Variants in TSHZ3 observed in about 807,000 individuals in gnomAD.
The protein encoded by TSHZ3 is teashirt homolog 3.
In TSHZ3, 10 loss-of-function variants were observed where a neutral mutation model predicts 64.5. The ratio of observed to expected loss-of-function variants is 0.16; its 90% CI spans 0.10 to 0.26. TSHZ3 has a LOEUF of 0.26. Ranked by LOEUF, TSHZ3 falls within the 10% of genes least tolerant of loss-of-function variation. The probability of loss-of-function intolerance (pLI) is 1.00; values close to 1 mark genes in which losing one functional copy is unlikely to be tolerated. For missense variants in TSHZ3, 1,242 were observed against 1,421.7 expected (o/e 0.87, Z 2.03); for synonymous variants, 608 against 593.1 (o/e 1.03, Z -0.36).
At chr19:31,178,197 C>T (rs1568338349) in intron 5 of TSHZ3, among the ~76,000 whole-genome samples, 1 of 152,142 alleles carries the variant, frequency 6.6e-6, no homozygotes, top group South Asian at 2.1e-4. Context: ...CAAATGTTTC[C>T]CAGTCCCTCC....
intron 1 of TSHZ3, among the ~76,000 whole-genome samples, chr19:31,340,927 T>G (rs1917414205): frequency 6.6e-6 from 1 of 152,262 alleles, no homozygotes; most frequent in African/African-American, 2.4e-5. Context: ...ACCACTGCGT[T>G]CACCTTCCAT....
At chr19:31,252,571 C>T (rs1975856821) in intron 1 of TSHZ3, among the ~76,000 whole-genome samples, 1 of 152,180 alleles carries the variant, frequency 6.6e-6, no homozygotes, top group Non-Finnish European at 1.5e-5. Context: ...ACAGTGAGTT[C>T]TCAGAAGATC....
At chr19:31,213,685 T>G (rs1975290956) in intron 4 of TSHZ3, among the ~76,000 whole-genome samples, 1 of 152,058 alleles carries the variant, frequency 6.6e-6, no homozygotes, top group African/African-American at 2.4e-5. Flanking sequence ...ATATGGGAAA[T>G]CTCTGTATCT....
At chr19:31,317,610 G>C (rs899688284) in intron 1 of TSHZ3, among the ~76,000 whole-genome samples, 2 of 152,196 alleles carry the variant, frequency 1.3e-5, no homozygotes, top group African/African-American at 4.8e-5. Flanking sequence ...GTGTAATTAA[G>C]GTGCACCAAG....
intron 1 of TSHZ3, among the ~76,000 whole-genome samples, chr19:31,266,577 G>T (rs1976056582): frequency 6.6e-6 from 1 of 152,040 alleles, no homozygotes; most frequent in Non-Finnish European, 1.5e-5. Flanking sequence ...TTTCATCCCA[G>T]ACCATAACCC....
chr19:31,184,950 G>A (rs1974780297), intron 5 of TSHZ3, among the ~76,000 whole-genome samples: 1 of 152,164 alleles, frequency 6.6e-6, no homozygotes, highest in African/African-American at 2.4e-5. Flanking sequence ...TTCCCCCCAA[G>A]GGGTTAAGGA....
At chr19:31,228,524 T>TAAA (rs5827760) in intron 3 of TSHZ3, among the ~76,000 whole-genome samples, 7 of 131,090 alleles carry the variant, frequency 5.3e-5, no homozygotes, top group Non-Finnish European at 8.0e-5. Context: ...AAACCCTGTC[T>TAAA]AAAAAAAAAA....
chr19:31,297,744 G>T (rs900265546), intron 1 of TSHZ3, among the ~76,000 whole-genome samples: 2 of 152,142 alleles, frequency 1.3e-5, no homozygotes, highest in Non-Finnish European at 2.9e-5. Context: ...CAGGCATGAG[G>T]TGATGCACTT....
chr19:31,316,999 C>A (rs960305352), intron 1 of TSHZ3, among the ~76,000 whole-genome samples: 6 of 152,160 alleles, frequency 3.9e-5, no homozygotes, highest in Non-Finnish European at 7.3e-5. Flanking sequence ...GGCCTGGCAC[C>A]TTCTATCAAT....
At chr19:31,153,187 C>T (rs1974263210) in intron 6 of TSHZ3, among the ~76,000 whole-genome samples, 1 of 152,112 alleles carries the variant, frequency 6.6e-6, no homozygotes, top group South Asian at 2.1e-4. Flanking sequence ...TACCGTGTGA[C>T]ATAAGATACT....
At chr19:31,304,592 C>T (rs1976809138) in intron 1 of TSHZ3, among the ~76,000 whole-genome samples, 1 of 152,058 alleles carries the variant, frequency 6.6e-6, no homozygotes, top group African/African-American at 2.4e-5. Flanking sequence ...TACTTTTTAG[C>T]ACCGAGAGTT....
chr19:31,278,090 C>T lies in TSHZ3; in HGVS notation c.1703G>A (p.Gly568Glu), dbSNP rs1055625133. Reference protein sequence around the residue: ...NMMKLSLGSSGKSTPLKPMFG... With the variant: ...NMMKLSLGSSEKSTPLKPMFG... Reference sequence around the variant, plus strand: ...CATGGGTTTCAGGGGCGTGCTCTTCCCCGACGAGCCCAGGGACAACTTCAT... The same window carrying T: ...CATGGGTTTCAGGGGCGTGCTCTTCTCCGACGAGCCCAGGGACAACTTCAT... The change falls in exon 2 of 2, where the codon GGG (glycine) becomes GAG (glutamate). Residue 568 changes from glycine (G) to glutamate (E), a missense_variant. Gly to Glu is a moderately conservative substitution (Grantham distance 98). Coordinates refer to ENST00000240587, the MANE Select transcript of TSHZ3 (RefSeq NM_020856.4). This position sits in a 1 kb window ranked among gnomAD's most constrained non-coding sequence, Gnocchi z 4.7. The T allele has an allele frequency of 2.5e-6, 4 of 1,614,136 alleles. No homozygotes were observed. The highest frequency in any genetic ancestry group is 2.7e-5 in the African/African-American group (2 of 75,032).
intron 5 of TSHZ3, among the ~76,000 whole-genome samples, chr19:31,170,985 C>A (rs570462278): frequency 6.6e-6 from 1 of 152,200 alleles, no homozygotes; most frequent in African/African-American, 2.4e-5. Context: ...TACAGTGGAA[C>A]CCTTCAATGG....
At chr19:31,332,383 C>T (rs1468036377) in intron 1 of TSHZ3, among the ~76,000 whole-genome samples, 3 of 152,166 alleles carry the variant, frequency 2.0e-5, no homozygotes, top group African/African-American at 4.8e-5. Context: ...AAGGGAACCA[C>T]GGAGCTGGTG....
chr19:31,254,628 T>A (rs1225525990), intron 1 of TSHZ3, among the ~76,000 whole-genome samples: 1 of 152,230 alleles, frequency 6.6e-6, no homozygotes, highest in Non-Finnish European at 1.5e-5. Context: ...TTTCAGGCCA[T>A]CCGCCTCTCT....
chr19:31,172,074 C>G (rs914813449), intron 5 of TSHZ3, among the ~76,000 whole-genome samples: 5 of 152,310 alleles, frequency 3.3e-5, no homozygotes, highest in Admixed American at 1.3e-4. Flanking sequence ...AGAAAGATCT[C>G]TGGAGAGACC....
chr19:31,244,216 G>A (rs1350965383), intron 1 of TSHZ3, among the ~76,000 whole-genome samples: 5 of 152,084 alleles, frequency 3.3e-5, no homozygotes, highest in Admixed American at 6.6e-5. Flanking sequence ...TCTTGGGGGC[G>A]GATTTCCTCC....
chr19:31,258,226 G>A (rs1975937966), intron 1 of TSHZ3, among the ~76,000 whole-genome samples: 1 of 152,186 alleles, frequency 6.6e-6, no homozygotes, highest in African/African-American at 2.4e-5. Context: ...GCTCCCAAGG[G>A]TATAAGCTCC....
At chr19:31,170,289 T>TG (rs913222640) in intron 5 of TSHZ3, among the ~76,000 whole-genome samples, 3 of 152,108 alleles carry the variant, frequency 2.0e-5, no homozygotes, top group Admixed American at 2.0e-4. Context: ...TAGGGATTGA[T>TG]GGGGGAAACA....
Sources: gnomAD v4.1 joint callset for allele counts (sites outside exome capture counted in the v4.1 genomes callset) on GRCh38, gnomAD v4.1.1 for gene constraint, Gnocchi (gnomAD v3.1) non-coding constraint, MANE v1.5 for transcripts, NCBI Gene and HGNC (gene_info 2026-07-23, HGNC 2026-07-21) for gene names.